Variants in GON4L observed in about 807,000 individuals in gnomAD.
The protein encoded by GON4L is GON-4-like protein.
In GON4L, 87 loss-of-function variants were observed where a neutral mutation model predicts 211.8. That is an observed-to-expected ratio of 0.41 (90% confidence interval 0.35 to 0.49). GON4L has a LOEUF of 0.49. GON4L is among the 20% of genes least tolerant of loss of function. The pLI, the probability that GON4L is intolerant of heterozygous loss-of-function variation, is 0.15. For missense variants in GON4L, 2,155 were observed against 2,659.5 expected (o/e 0.81, Z 4.17); for synonymous variants, 875 against 962.6 (o/e 0.91, Z 1.68).
At chr1:155,758,908 C>A (rs1661469487) in intron 24 of GON4L, among the ~76,000 whole-genome samples, 2 of 151,292 alleles carry the variant, frequency 1.3e-5, no homozygotes, top group Non-Finnish European at 2.9e-5. Flanking sequence ...ACAACAACAA[C>A]AAAACTCCTG....
At chr1:155,791,500 A>AG (rs1277890769) in intron 12 of GON4L, among the ~76,000 whole-genome samples, 2 of 151,902 alleles carry the variant, frequency 1.3e-5, no homozygotes, top group African/African-American at 4.8e-5. Flanking sequence ...GGAAAAAAAA[A>AG]AAAAAACTTA....
chr1:155,750,910 CCCA>C lies in GON4L; in HGVS notation c.6577-180_6577-178del, dbSNP rs371511516. ...TTCAGAGTAGCTGGGATTACAGGTGCCCACCACCACACCTGACTAGTTTTTATA... is the reference window on the plus strand; with the variant it reads ...TTCAGAGTAGCTGGGATTACAGGTGCCCACCACACCTGACTAGTTTTTATA... On this transcript the variant is annotated intron_variant, in intron 31 of 31. Coordinates refer to ENST00000368331, the MANE Select transcript of GON4L (RefSeq NM_001282860.2). 4.5e-4 allele frequency among the ~76,000 whole-genome samples: 68 copies of C among 152,138 alleles called. No homozygotes were observed. In the East Asian group the frequency reaches 0.011, roughly 25 times the overall value.
rs749971283 is a variant in GON4L at position 155,767,528 on chromosome 1, G to T, written c.2660C>A (p.Thr887Asn). The change falls in exon 20 of 32, where the codon ACC becomes AAC. Residue 887 changes from threonine (T) to asparagine (N), a missense_variant. Transcript: ENST00000368331. ...PDNIIKFYKK[T>N]KQLPVLGKCC... ...TTTTCCTAGGACTGGCAGCTGTTTG[G>T]TCTTCTTATAAAACTTAACATGAAA... 11 of 1,609,674 alleles carry T rather than the reference G, an allele frequency of 6.8e-6. No homozygotes were observed. The highest frequency in any genetic ancestry group is 3.3e-5 in the Admixed American group (2 of 59,772).
At chr1:155,751,934 A>T (rs1382670838) in intron 30 of GON4L, 26 bp downstream of exon 30, 1 of 1,612,410 alleles carries the variant, frequency 6.2e-7, no homozygotes, top group Non-Finnish European at 8.5e-7. Flanking sequence ...CTCTTTTCCA[A>T]ACACACGTCA....
intron 17 of GON4L, 194 bp downstream of exon 17, chr1:155,774,808 C>T: frequency 1.1e-6 from 1 of 907,224 alleles, no homozygotes; most frequent in Admixed American, 2.1e-5. Context: ...ACACTTTACC[C>T]AGGCCCAGAG....
At position 155,765,023 on chromosome 1, in the gene GON4L, C is replaced by T. The variant is rs1170177444; in HGVS notation, c.4450G>A (p.Val1484Met). The part of the protein sequence containing the change: ...DEMSSASEES[V>M]LSVPELQETM... ...ACCTGGAGTTCTGGGACAGAAAGCA[C>T]AGATTCCTCAGAAGCTGATGACATT... Residue 1484 changes from valine to methionine, a missense_variant, in exon 21 of 32, where the codon GTG becomes ATG. Physicochemically the swap from Val to Met is conservative, Grantham distance 21. This residue lies in a region of GON4L where 35 missense variants were observed against 73.9 expected (regional missense o/e 0.47). Transcript: ENST00000368331. The T allele has an allele frequency of 6.2e-7, 1 of 1,614,100 alleles. No homozygotes were observed. Among genetic ancestry groups the T allele is most frequent in the South Asian group, 1.1e-5 (1 of 91,084 alleles).
chr1:155,849,072 C>T (rs573630240), intron 2 of GON4L, among the ~76,000 whole-genome samples: 33 of 144,910 alleles, frequency 2.3e-4, no homozygotes, highest in African/African-American at 7.5e-4. Context: ...CGCTTGAACC[C>T]GGGAAGCAGA....
At chr1:155,806,131 G>A (rs1667108435) in intron 10 of GON4L, among the ~76,000 whole-genome samples, 1 of 151,700 alleles carries the variant, frequency 6.6e-6, no homozygotes, top group Non-Finnish European at 1.5e-5. Context: ...GGGACTATCG[G>A]CATGCTCTAC....
rs780140410 is a variant in GON4L, at chr1:155,762,177, AG to A, written c.4911+12del. The A allele has an allele frequency of 6.3e-7, 1 of 1,591,618 alleles. No homozygotes were observed. The highest frequency in any genetic ancestry group is 1.3e-5 in the African/African-American group (1 of 74,718). The stretch of plus-strand genomic sequence containing the variant: ...ATAGAGACTGGCAATAACAGGAAGC[AG>A]CATTTGCCTACCCTGGTCAGATAAG... On this transcript the variant is annotated intron_variant, in intron 23 of 31. Transcript: ENST00000368331.
chr1:155,804,850 A>G (rs1171931938), intron 11 of GON4L, 99 bp downstream of exon 11: 1 of 849,226 alleles, frequency 1.2e-6, no homozygotes, highest in African/African-American at 1.7e-5. Context: ...AAATTAAATC[A>G]ATTAACCCAA....
At chr1:155,751,309 G>T (rs1660556448) in intron 31 of GON4L, among the ~76,000 whole-genome samples, 1 of 152,110 alleles carries the variant, frequency 6.6e-6, no homozygotes, top group South Asian at 2.1e-4. Context: ...ACTTTGGGAG[G>T]CTGAGGCAGG....
downstream of GON4L, chr1:155,749,189 T>C (rs569104633): frequency 1.1e-4 from 130 of 1,186,894 alleles, 2 homozygotes; most frequent in South Asian, 1.8e-3. Context: ...GAGGTGGAGG[T>C]TGCAGTGAGC....
chr1:155,747,910 G>A (rs1705486), downstream of GON4L: 1 of 1,563,140 alleles, frequency 6.4e-7, no homozygotes, highest in Non-Finnish European at 8.7e-7. Flanking sequence ...AGTGGAACTT[G>A]GAGGAGTAAA....
rs1366512455 is a variant in GON4L, at chr1:155,765,834, C to G, written c.3639G>C (p.Val1213=). The G allele has an allele frequency of 6.2e-7, 1 of 1,614,044 alleles. No individual in the cohort carries two copies. The highest frequency in any genetic ancestry group is 8.5e-7 in the Non-Finnish European group (1 of 1,180,046). The change falls in exon 21 of 32, where the codon GTG becomes GTC. Residue 1213 remains valine, a synonymous_variant. Coordinates refer to ENST00000368331, the MANE Select transcript of GON4L (RefSeq NM_001282860.2). ...CAGGGGTGGATGGTATAGGAAGATT[C>G]ACAGAATTGCCAGAAACAATTAAGG... ...VSPLIVSGNS[V]NLPIPSTPED...
At position 155,750,615 on chromosome 1, in the gene GON4L, T is replaced by C; in HGVS notation, c.6695A>G (p.Asp2232Gly). ...SNADQLSDHGDLLSEEELDE is the reference protein window; with the variant it reads ...SNADQLSDHGGLLSEEELDE ...ATCCAGCTCCTCTTCAGACAGAAGG[T>C]CCCCATGGTCAGACAGCTGGTCTGC... is the stretch of plus-strand genomic sequence containing the variant. Residue 2232 changes from aspartate (D) to glycine (G), a missense_variant, in exon 32 of 32, where the codon GAC becomes GGC. By Grantham distance (94) the Asp-to-Gly change is moderately conservative (BLOSUM62 -1). This residue lies in a region of GON4L where 186 missense variants were observed against 308.1 expected (regional missense o/e 0.60). Coordinates refer to ENST00000368331, the MANE Select transcript of GON4L (RefSeq NM_001282860.2). 1 of 1,587,694 alleles carries C rather than the reference T, an allele frequency of 6.3e-7. No homozygotes were observed. Among genetic ancestry groups the C allele is most frequent in the Non-Finnish European group, 8.6e-7 (1 of 1,158,170 alleles).
intron 6 of GON4L, among the ~76,000 whole-genome samples, chr1:155,820,361 GATTTC>G (rs1446502102): frequency 1.3e-5 from 2 of 152,166 alleles, no homozygotes; most frequent in Non-Finnish European, 2.9e-5. Context: ...CTCACCTATT[GATTTC>G]AACTATTCCA....
chr1:155,762,445 A>C (rs1571643111), intron 22 of GON4L, 71 bp from the exon 23 acceptor site: 1 of 1,261,844 alleles, frequency 7.9e-7, no homozygotes. Context: ...CACCACATGC[A>C]CCACCCCAGC....
At chr1:155,773,304 T>A in intron 17 of GON4L, 94 bp from the exon 18 acceptor site, 1 of 1,382,100 alleles carries the variant, frequency 7.2e-7, no homozygotes, top group Non-Finnish European at 1.0e-6. Flanking sequence ...AGGTAGGAGC[T>A]ATCCTTACCT....
chr1:155,754,209 C>A, intron 28 of GON4L, 166 bp downstream of exon 28: 1 of 675,556 alleles, frequency 1.5e-6, no homozygotes, highest in Non-Finnish European at 2.7e-6. Flanking sequence ...CAAAATCTAT[C>A]ACGTATTTCT....
Sources: gnomAD v4.1 joint callset for allele counts (sites outside exome capture counted in the v4.1 genomes callset) on GRCh38, gnomAD v4.1.1 for gene constraint, gnomAD v4.1.1 regional missense constraint, MANE v1.5 for transcripts, NCBI Gene and HGNC (gene_info 2026-07-23, HGNC 2026-07-21) for gene names.